CNTNAP3B: variants seen among roughly 807,000 people sequenced by gnomAD.
CNTNAP3B encodes contactin associated protein family member 3B, also known as contactin-associated protein-like 3B.
A neutral mutation model predicts 108.9 loss-of-function variants in CNTNAP3B; 25 were observed. The ratio of observed to expected loss-of-function variants is 0.23; its 90% CI spans 0.17 to 0.32. The LOEUF (loss-of-function observed/expected upper bound fraction) is 0.32, where lower values mean the gene tolerates loss of function less well. Ranked by LOEUF, CNTNAP3B falls within the 10% of genes least tolerant of loss-of-function variation. The pLI, the probability that CNTNAP3B is intolerant of heterozygous loss-of-function variation, is 1.00. For synonymous variants in CNTNAP3B, 103 were observed against 473.4 expected, an observed-to-expected ratio of 0.22 and a Z score of 10.16; for missense variants, 252 against 1,210.4, an observed-to-expected ratio of 0.21 and a Z score of 11.75.
intron 3 of CNTNAP3B, among the ~76,000 whole-genome samples, chr9:42,058,264 T>G (rs1827115401): frequency 6.6e-6 from 1 of 152,186 alleles, no homozygotes; most frequent in Admixed American, 6.5e-5. Flanking sequence ...GGTAATTCTA[T>G]TTTTGATTTT....
chr9:41,963,084 T>G (rs1424997136), intron 11 of CNTNAP3B, among the ~76,000 whole-genome samples: 1 of 152,286 alleles, frequency 6.6e-6, no homozygotes, highest in East Asian at 1.9e-4. Flanking sequence ...TCTCCTCTTT[T>G]GCCCAGATCC....
At chr9:42,060,223 A>AT (rs1353657812) in intron 3 of CNTNAP3B, among the ~76,000 whole-genome samples, 1 of 137,930 alleles carries the variant, frequency 7.3e-6, no homozygotes, top group African/African-American at 2.9e-5. Context: ...ATGTTGAGAG[A>AT]TTTTAGAATA....
At chr9:41,979,099 G>A (rs1378508581) in intron 9 of CNTNAP3B, among the ~76,000 whole-genome samples, 6 of 136,192 alleles carry the variant, frequency 4.4e-5, no homozygotes, top group Admixed American at 1.5e-4. Context: ...CTAGGCCTCT[G>A]TCTTCCTGAG....
intron 9 of CNTNAP3B, among the ~76,000 whole-genome samples, chr9:41,978,627 C>CT (rs1825564410): frequency 7.4e-6 from 1 of 135,228 alleles, no homozygotes; most frequent in Admixed American, 7.4e-5. Flanking sequence ...AATTTGTAGT[C>CT]TTTTTTCAAC....
rs1272814784 is a variant in CNTNAP3B at position 42,097,236 on chromosome 9, T to C, written c.196+7393A>G. On this transcript the variant is annotated intron_variant, in intron 2 of 23. Transcript: ENST00000377561. ...AAAACTGACGGAAAATATGACATCATGTTCCCATCTGGCAGGAGTGCACAG... is the reference window on the plus strand; with the variant it reads ...AAAACTGACGGAAAATATGACATCACGTTCCCATCTGGCAGGAGTGCACAG... Among the ~76,000 whole-genome samples, 3 of 140,274 alleles carry C rather than the reference T, an allele frequency of 2.1e-5. 1 individual carries two copies. The highest frequency in any genetic ancestry group is 1.4e-4 in the Admixed American group (2 of 14,150). The allele number at this position is 140,274 out of a possible 152,430, so 92.0% of individuals were successfully genotyped here.
At chr9:42,111,195 C>T (rs531437021) in intron 1 of CNTNAP3B, among the ~76,000 whole-genome samples, 3 of 139,512 alleles carry the variant, frequency 2.2e-5, no homozygotes, top group Admixed American at 2.1e-4. Context: ...GGGAACAGAA[C>T]CTGGGACTTT....
rs1315184924 is a variant in CNTNAP3B, at chr9:42,128,643, C to T, written c.85+367G>A. ...TGATGTAATGTCTGCCAGTTTTTTCCCTGTTAGACTTAATTCCTACAAAAT... is the reference window on the plus strand; with the variant it reads ...TGATGTAATGTCTGCCAGTTTTTTCTCTGTTAGACTTAATTCCTACAAAAT... On this transcript the variant is annotated intron_variant, in intron 1 of 23. Coordinates refer to ENST00000377561, the MANE Select transcript of CNTNAP3B (RefSeq NM_001201380.3). 3.7e-5 allele frequency among the ~76,000 whole-genome samples: 4 copies of T among 109,432 alleles called. 1 individual carries two copies. Among genetic ancestry groups the T allele is most frequent in the East Asian group, 2.7e-4 (1 of 3,684 alleles). The allele number at this position is 109,432 out of a possible 152,430, so 71.8% of individuals were successfully genotyped here.
rs990664930 is a variant in CNTNAP3B, at chr9:42,084,291, A to G, written c.197-7229T>C. Among the ~76,000 whole-genome samples the G allele has an allele frequency of 1.6e-5, 2 of 122,694 alleles. 1 individual carries two copies. The highest frequency in any genetic ancestry group is 6.6e-5 in the African/African-American group (2 of 30,168). The allele number at this position is 122,694 out of a possible 152,430, so 80.5% of individuals were successfully genotyped here. On this transcript the variant is annotated intron_variant, in intron 2 of 23. Transcript: ENST00000377561. The stretch of plus-strand genomic sequence containing the variant: ...AAGAAGCCATTATCTTCACTTGGTG[A>G]GTAGAAACAATTAGGCAAAAGTGAT...
chr9:42,103,238 T>C (rs1335335590), intron 2 of CNTNAP3B, among the ~76,000 whole-genome samples: 1 of 146,252 alleles, frequency 6.8e-6, no homozygotes, highest in Non-Finnish European at 1.5e-5. Context: ...AGAGCCCATA[T>C]CTCTGCAACA....
chr9:41,941,167 T>C (rs1232795241), intron 13 of CNTNAP3B, among the ~76,000 whole-genome samples: 10 of 151,170 alleles, frequency 6.6e-5, no homozygotes, highest in Middle Eastern at 3.4e-3. Context: ...CTGTGGTAAG[T>C]CACATATGTA....
rs1431450511 is a variant in CNTNAP3B at position 41,923,712 on chromosome 9, A to C, written c.2536+211T>G. On this transcript the variant is annotated intron_variant, in intron 16 of 23. Coordinates refer to ENST00000377561, the MANE Select transcript of CNTNAP3B (RefSeq NM_001201380.3). ...AGGAGGCTGAGGTTGCAGTGAGCCAAGATAATGCCACTGCACTCCAGCATG... is the reference window on the plus strand; with the variant it reads ...AGGAGGCTGAGGTTGCAGTGAGCCACGATAATGCCACTGCACTCCAGCATG... 5 of 953,504 alleles carry C rather than the reference A, an allele frequency of 5.2e-6. No homozygotes were observed. The Admixed American group carries it at 8.9e-5, about 17-fold the overall frequency. The allele number at this position is 953,504 out of a possible 1,614,324, so 59.1% of individuals were successfully genotyped here.
intron 1 of CNTNAP3B, among the ~76,000 whole-genome samples, chr9:42,124,812 T>C (rs1828533338): frequency 7.5e-6 from 1 of 132,888 alleles, no homozygotes; most frequent in Non-Finnish European, 1.6e-5. Flanking sequence ...CATTCAGAAA[T>C]CCAGGCTAAT....
intron 14 of CNTNAP3B, among the ~76,000 whole-genome samples, chr9:41,931,821 A>G (rs1204015947): frequency 6.9e-6 from 1 of 144,186 alleles, no homozygotes; most frequent in Non-Finnish European, 1.5e-5. Context: ...ATAGTCTAGT[A>G]GAGAAAATGC....
chr9:42,117,905 CAAAT>C (rs1828357499), intron 1 of CNTNAP3B, among the ~76,000 whole-genome samples: 1 of 139,644 alleles, frequency 7.2e-6, no homozygotes, highest in African/African-American at 2.8e-5. Flanking sequence ...CACCTCTACA[CAAAT>C]AAACTAGAAA....
chr9:42,125,902 G>A lies in CNTNAP3B; in HGVS notation c.85+3108C>T, dbSNP rs1211710279. Among the ~76,000 whole-genome samples the A allele has an allele frequency of 1.8e-4, 24 of 130,174 alleles. 3 individuals carry two copies. In the East Asian group the frequency reaches 5.3e-3, roughly 28 times the overall value. The allele number at this position is 130,174 out of a possible 152,430, so 85.4% of individuals were successfully genotyped here. A position where few individuals can be genotyped will look rare whatever the true frequency, so the allele number is the denominator to read the frequency against. ...CAAAGTGCTGAGATTACAGCTGTGA[G>A]CCACCGTGCCCAGCCTGAACTCCAT... is the stretch of plus-strand genomic sequence containing the variant. On this transcript the variant is annotated intron_variant, in intron 1 of 23. Coordinates refer to ENST00000377561, the MANE Select transcript of CNTNAP3B (RefSeq NM_001201380.3).
intron 14 of CNTNAP3B, among the ~76,000 whole-genome samples, chr9:41,932,422 G>T (rs1824004499): frequency 6.6e-6 from 1 of 151,680 alleles, no homozygotes; most frequent in Admixed American, 6.6e-5. Flanking sequence ...ATTTGCCAGG[G>T]AACTTTATTT....
In CNTNAP3B at chr9:42,124,762, A is replaced by T. The variant is rs372355321; in HGVS notation, c.85+4248T>A. 2.0e-3 allele frequency among the ~76,000 whole-genome samples: 259 copies of T among 127,442 alleles called. 2 individuals are homozygous for T. Among genetic ancestry groups the T allele is most frequent in the Middle Eastern group, 0.015 (4 of 274 alleles). The allele number at this position is 127,442 out of a possible 152,430, so 83.6% of individuals were successfully genotyped here. ...ATGTCCTAGGCAATAAACTTCCCAA[A>T]AAGAATGGAGAACAATCCCAGTGCC... On this transcript the variant is annotated intron_variant, in intron 1 of 23. Transcript: ENST00000377561.
At chr9:42,051,954 C>A (rs1349553606) in intron 3 of CNTNAP3B, among the ~76,000 whole-genome samples, 1 of 151,790 alleles carries the variant, frequency 6.6e-6, no homozygotes, top group East Asian at 1.9e-4. Flanking sequence ...GTAATTTTTT[C>A]TCTCTCTTGT....
chr9:42,028,716 T>TAAGGGA (rs1406272844), intron 3 of CNTNAP3B, among the ~76,000 whole-genome samples: 1 of 150,238 alleles, frequency 6.7e-6, no homozygotes, highest in African/African-American at 2.5e-5. Context: ...ACTACGTTAA[T>TAAGGGA]AAGGGAAATA....
Sources: allele counts gnomAD v4.1 joint callset (sites outside exome capture counted in the v4.1 genomes callset), GRCh38; gene constraint gnomAD v4.1.1; transcripts MANE v1.5; gene names NCBI Gene and HGNC (gene_info 2026-07-23, HGNC 2026-07-21).